STARD13: variants seen among roughly 807,000 people sequenced by gnomAD.
STARD13 encodes the protein stAR-related lipid transfer protein 13.
STARD13 carries 62 observed loss-of-function variants against 106.4 expected under a neutral mutation model. The observed-to-expected ratio is 0.58, with a 90% CI of 0.48 to 0.72. The LOEUF (loss-of-function observed/expected upper bound fraction) is 0.72. Among genes scored for constraint, STARD13 ranks in the 30% least tolerant of loss-of-function variants. STARD13 has a pLI of 0.00. For synonymous variants in STARD13, 565 were observed against 553.0 expected (o/e 1.02, Z -0.31); for missense variants, 1,387 against 1,424.0 (o/e 0.97, Z 0.42).
the STARD13 span, among the ~76,000 whole-genome samples, chr13:33,650,164 A>ATTTTTTTT: frequency 3.3e-4 from 16 of 48,374 alleles, 5 homozygotes; most frequent in African/African-American, 4.9e-4. Flanking sequence ...CGTGACTCCA[A>ATTTTTTTT]TTTTTTTTTT....
chr13:33,457,831 A>G, the STARD13 span, among the ~76,000 whole-genome samples: 1 of 152,182 alleles, frequency 6.6e-6, no homozygotes, highest in Non-Finnish European at 1.5e-5. Context: ...ACCTCCTAAT[A>G]CCATCATATT....
At chr13:33,416,918 G>C in the STARD13 span, among the ~76,000 whole-genome samples, 1 of 152,156 alleles carries the variant, frequency 6.6e-6, no homozygotes, top group Non-Finnish European at 1.5e-5. Flanking sequence ...ACAACTCTAA[G>C]AATGGAAGAA....
chr13:33,207,648 T>A (rs1013897295), intron 1 of STARD13, among the ~76,000 whole-genome samples: 2 of 152,186 alleles, frequency 1.3e-5, no homozygotes, highest in African/African-American at 4.8e-5. Flanking sequence ...TCCACCCCTT[T>A]CCCACTTCCT....
chr13:33,371,599 C>T, the STARD13 span, among the ~76,000 whole-genome samples: 7 of 152,328 alleles, frequency 4.6e-5, no homozygotes, highest in South Asian at 2.1e-4. Context: ...CGACACTGCA[C>T]GGAGTTCCCT....
chr13:33,321,381 T>C (rs1053373982), intron 1 of STARD13, among the ~76,000 whole-genome samples: 1 of 151,880 alleles, frequency 6.6e-6, no homozygotes, highest in Non-Finnish European at 1.5e-5. Context: ...TGGTAGGTGT[T>C]TGTAATCCCA....
chr13:33,608,494 G>GT, the STARD13 span, among the ~76,000 whole-genome samples: 1 of 152,096 alleles, frequency 6.6e-6, no homozygotes, highest in African/African-American at 2.4e-5. Flanking sequence ...ATAAAATTTA[G>GT]TAATTTTAAA....
At chr13:33,403,709 T>C in the STARD13 span, among the ~76,000 whole-genome samples, 1 of 152,212 alleles carries the variant, frequency 6.6e-6, no homozygotes, top group Non-Finnish European at 1.5e-5. Flanking sequence ...AGACATCTTG[T>C]CTAAGGTCAA....
the STARD13 span, among the ~76,000 whole-genome samples, chr13:33,638,668 A>T: frequency 2.0e-5 from 3 of 152,142 alleles, no homozygotes; most frequent in South Asian, 2.1e-4. Flanking sequence ...TCTCTGTTTT[A>T]ATGTTAGTGC....
At chr13:33,370,932 T>C in the STARD13 span, among the ~76,000 whole-genome samples, 3 of 152,126 alleles carry the variant, frequency 2.0e-5, no homozygotes, top group Non-Finnish European at 2.9e-5. Context: ...CTTTGACATA[T>C]TTTCTTTAAG....
chr13:33,263,395 T>G (rs1232196615), intron 1 of STARD13, among the ~76,000 whole-genome samples: 1 of 152,108 alleles, frequency 6.6e-6, no homozygotes, highest in African/African-American at 2.4e-5. Context: ...AAACTTTAAT[T>G]CTACCTCCCA....
At chr13:33,190,210 A>G (rs1886141464) in intron 1 of STARD13, among the ~76,000 whole-genome samples, 1 of 152,184 alleles carries the variant, frequency 6.6e-6, no homozygotes, top group South Asian at 2.1e-4. Flanking sequence ...TGGAAGGCCA[A>G]TGAGGAAGGG....
chr13:33,246,448 A>G (rs1889826987), intron 1 of STARD13, among the ~76,000 whole-genome samples: 1 of 152,226 alleles, frequency 6.6e-6, no homozygotes, highest in Non-Finnish European at 1.5e-5. Context: ...ACAGACAAGC[A>G]TCTTCTAAAA....
upstream of STARD13, among the ~76,000 whole-genome samples, chr13:33,351,197 G>A (rs1043261061): frequency 5.3e-5 from 8 of 152,168 alleles, no homozygotes; most frequent in East Asian, 9.6e-4. Flanking sequence ...TAGCCATTAT[G>A]AGGAGAAAAA....
the STARD13 span, among the ~76,000 whole-genome samples, chr13:33,660,580 T>G: frequency 3.9e-5 from 6 of 152,152 alleles, no homozygotes; most frequent in African/African-American, 1.4e-4. Flanking sequence ...TGATTTGTAC[T>G]GTGGGTTTGT....
rs1370427948 is a variant in STARD13 at position 33,350,585 on chromosome 13, C to G, written c.-172G>C. 3.9e-5 allele frequency: 54 copies of G among 1,388,654 alleles called. No homozygotes were observed. In the South Asian group the frequency reaches 4.2e-4, roughly 11 times the overall value. The allele number at this position is 1,388,654 out of a possible 1,614,324, so 86.0% of individuals were successfully genotyped here. A position where few individuals can be genotyped will look rare whatever the true frequency, so the allele number is the denominator to read the frequency against. ...CGGCGCTGGGAGGCTGCGCCACGCG[C>G]GAGGACCGGGATGCCTGGCCACCAG... is the stretch of plus-strand genomic sequence containing the variant. On this transcript the variant is annotated 5_prime_UTR_variant, in exon 1 of 2. Coordinates refer to the STARD13 transcript ENST00000439831.
chr13:33,105,406 AG>A lies in STARD13; in HGVS notation c.*186del. 1 of 560,034 alleles carries A rather than the reference AG, an allele frequency of 1.8e-6. No individual in the cohort carries two copies. 34.7% of individuals were successfully genotyped at this position (560,034 alleles called of 1,614,324 possible). A position where few individuals can be genotyped will look rare whatever the true frequency, so the allele number is the denominator to read the frequency against. On this transcript the variant is annotated 3_prime_UTR_variant, in exon 14 of 14. Coordinates refer to ENST00000336934, the MANE Select transcript of STARD13 (RefSeq NM_178006.4). Reference sequence around the variant, plus strand: ...TATTAGTAGGGATGTAGCCATCTCCAGGAAGGCTAAGAAAGTTCTTGGAAAT... The same window carrying A: ...TATTAGTAGGGATGTAGCCATCTCCAGAAGGCTAAGAAAGTTCTTGGAAAT...
chr13:33,369,993 A>C, the STARD13 span, among the ~76,000 whole-genome samples: 1 of 152,180 alleles, frequency 6.6e-6, no homozygotes, highest in Non-Finnish European at 1.5e-5. Context: ...AAAGTACATA[A>C]GCTTATTGTT....
intron 1 of STARD13, among the ~76,000 whole-genome samples, chr13:33,276,964 TTTGCTAACAGCATTAGCATTTTCTG>T (rs1478232947): frequency 6.6e-6 from 1 of 152,178 alleles, no homozygotes; most frequent in African/African-American, 2.4e-5. Context: ...TTGATTTTCT[TTTGCTAACAGCATTAGCATTTTCTG>T]TAATTTTGAA....
the STARD13 span, among the ~76,000 whole-genome samples, chr13:33,620,732 A>T: frequency 1.3e-5 from 2 of 150,912 alleles, no homozygotes; most frequent in African/African-American, 4.8e-5. Flanking sequence ...TAGAAATAAA[A>T]AGAAACAATA....
Sources: allele counts gnomAD v4.1 joint callset (sites outside exome capture counted in the v4.1 genomes callset), GRCh38; gene constraint gnomAD v4.1.1; transcripts MANE v1.5; gene names NCBI Gene and HGNC (gene_info 2026-07-23, HGNC 2026-07-21).